The following RER1 variants were observed in gnomAD, a reference collection of about 807,000 sequenced individuals.
The protein encoded by RER1 is retention in endoplasmic reticulum sorting receptor 1.
RER1 carries 6 observed loss-of-function variants against 28.3 expected under a neutral mutation model. The ratio of observed to expected loss-of-function variants is 0.21; its 90% CI spans 0.12 to 0.42. The LOEUF is 0.42. Ranked by LOEUF, RER1 falls within the 10% of genes least tolerant of loss-of-function variation. The pLI, the probability that RER1 is intolerant of heterozygous loss-of-function variation, is 1.00. For missense variants in RER1, 159 were observed against 252.9 expected, an observed-to-expected ratio of 0.63 and a Z score of 2.52; for synonymous variants, 110 against 95.9, an observed-to-expected ratio of 1.15 and a Z score of -0.86.
intron 3 of RER1, 140 bp from the exon 4 acceptor site, chr1:2,399,275 C>T (rs1642811718): frequency 7.4e-6 from 5 of 676,984 alleles, no homozygotes; most frequent in Middle Eastern, 2.8e-4. Context: ...ATTTCCTTGT[C>T]CTTGCTATGA....
rs1053657055 is a variant in RER1, at chr1:2,403,412, G to A, written c.*288G>A. 1 of 381,354 alleles carries A rather than the reference G, an allele frequency of 2.6e-6. No individual in the cohort carries two copies. The highest frequency in any genetic ancestry group is 5.0e-6 in the Non-Finnish European group (1 of 200,644). The allele number at this position is 381,354 out of a possible 1,614,324, so 23.6% of individuals were successfully genotyped here. On this transcript the variant is annotated 3_prime_UTR_variant, in exon 7 of 7. Transcript: ENST00000605895. ...GTGGAGCCCATGGGAGCAAGGGCGA[G>A]TGGCCGGTCCCCGCTGTGCCAGGTG...
chr1:2,401,075 T>A, intron 5 of RER1, 140 bp downstream of exon 5: 1 of 710,990 alleles, frequency 1.4e-6, no homozygotes, highest in East Asian at 2.7e-5. Flanking sequence ...GGGCTCTCTG[T>A]AGAAGGCCAC....
chr1:2,394,695 G>C (rs1642741569), intron 1 of RER1: 1 of 152,250 alleles, frequency 6.6e-6, no homozygotes, highest in Non-Finnish European at 1.5e-5. Flanking sequence ...GTGCTCAGAG[G>C]GTTTGCTGAA....
chr1:2,395,535 G>C, intron 1 of RER1: 1 of 495,204 alleles, frequency 2.0e-6, no homozygotes, highest in Non-Finnish European at 3.7e-6. Context: ...AGGTGACTGA[G>C]GTGCCAGTGT....
chr1:2,401,388 CTCCTCCTCCCTCCTCCTCCCTCCT>C (rs1642858594), intron 5 of RER1, among the ~76,000 whole-genome samples: 2 of 60,740 alleles, frequency 3.3e-5, no homozygotes, highest in Admixed American at 1.5e-4. Flanking sequence ...CTCCTCCTCC[CTCCTCCTCCCTCCTCCTCCCTCCT>C]TCCTCCTTCC....
At chr1:2,392,879 G>T (rs1642706247) in intron 1 of RER1, among the ~76,000 whole-genome samples, 1 of 152,224 alleles carries the variant, frequency 6.6e-6, no homozygotes, top group Admixed American at 6.5e-5. Flanking sequence ...GCCTTGGGAA[G>T]GAGGAAGAGA....
intron 6 of RER1, among the ~76,000 whole-genome samples, chr1:2,402,764 CAG>C (rs1179341531): frequency 1.3e-5 from 2 of 152,198 alleles, no homozygotes; most frequent in South Asian, 2.1e-4. Flanking sequence ...GTGTTGGCTG[CAG>C]AGAGGGCCCT....
At position 2,404,288 on chromosome 1, in the gene RER1, CT is replaced by C. The variant is rs1642924662; in HGVS notation, c.*1166del. Reference sequence around the variant, plus strand: ...GCTCCTCTAAGAGGCCACGTTCAAGCTTGTGTGTCCCTGACCCAAGATAGCC... The same window carrying C: ...GCTCCTCTAAGAGGCCACGTTCAAGCTGTGTGTCCCTGACCCAAGATAGCC... On this transcript the variant is annotated 3_prime_UTR_variant, in exon 7 of 7. Transcript: ENST00000605895. 1 of 152,270 alleles carries C rather than the reference CT, an allele frequency of 6.6e-6. No individual in the cohort carries two copies. Among genetic ancestry groups the C allele is most frequent in the African/African-American group, 2.4e-5 (1 of 41,466 alleles). 9.4% of individuals were successfully genotyped at this position (152,270 alleles called of 1,614,324 possible). A position where few individuals can be genotyped will look rare whatever the true frequency, so the allele number is the denominator to read the frequency against.
rs796746411 is a variant in RER1, at chr1:2,403,364, G to C, written c.*240G>C. 3.8e-5 allele frequency: 17 copies of C among 443,744 alleles called. 1 individual carries two copies. The highest frequency in any genetic ancestry group is 3.6e-4 in the South Asian group (17 of 47,128). 27.5% of individuals were successfully genotyped at this position (443,744 alleles called of 1,614,324 possible). On this transcript the variant is annotated 3_prime_UTR_variant, in exon 7 of 7. Coordinates refer to ENST00000605895, the MANE Select transcript of RER1 (RefSeq NM_007033.5). ...TTTCTCACGGATGGAATTCTAGTCA[G>C]CTGCAGGCGGGAAGCCAGGCGGGTG...
rs1473557067 is a variant in RER1, at chr1:2,397,157, T to C, written c.123T>C (p.Ala41=). 6 of 1,614,012 alleles carry C rather than the reference T, an allele frequency of 3.7e-6. No homozygotes were observed. Among genetic ancestry groups the C allele is most frequent in the South Asian group, 1.1e-5 (1 of 91,088 alleles). The change falls in exon 3 of 7, where the codon GCT becomes GCC. Residue 41 remains alanine, a synonymous_variant. Transcript: ENST00000605895. ...SWLDKSTPYT[A]VRWVVTLGLS... ...TAGACAAGTCCACACCCTACACGGC[T>C]GTGCGATGGGTCGTGACACTGGGCC...
intron 6 of RER1, among the ~76,000 whole-genome samples, chr1:2,402,550 C>T (rs1012812436): frequency 3.9e-5 from 6 of 152,042 alleles, no homozygotes; most frequent in African/African-American, 1.2e-4. Flanking sequence ...GCTGTGGGAG[C>T]GGGCGGGCTC....
intron 1 of RER1, 65 bp from the exon 2 acceptor site, chr1:2,395,719 A>ATTT: frequency 8.7e-7 from 1 of 1,149,092 alleles, no homozygotes; most frequent in African/African-American, 1.5e-5. Context: ...GTTGGTGAAA[A>ATTT]TAGGGCCAGG....
At chr1:2,397,005 T>G in intron 2 of RER1, 111 bp from the exon 3 acceptor site, 1 of 640,962 alleles carries the variant, frequency 1.6e-6, no homozygotes, top group South Asian at 1.9e-5. Context: ...ACTCACTCTT[T>G]TAGCTGTTTT....
intron 2 of RER1, 142 bp downstream of exon 2, chr1:2,396,013 C>CTCTTT (rs1305878137): frequency 1.1e-5 from 8 of 697,066 alleles, no homozygotes; most frequent in Non-Finnish European, 1.8e-5. Flanking sequence ...AGACAGCGTT[C>CTCTTT]TCTTCACTGT....
Position 2,399,571 on chromosome 1 carries a change from T to A in RER1, c.286+57T>A, listed in dbSNP as rs542174509. On this transcript the variant is annotated intron_variant, in intron 4 of 6. Coordinates refer to ENST00000605895, the MANE Select transcript of RER1 (RefSeq NM_007033.5). ...GGCAGGTTGGGCCTTTCTTTTCTGATGGGATTGCCCAGTGTTCTCTGGAAA... is the reference window on the plus strand; with the variant it reads ...GGCAGGTTGGGCCTTTCTTTTCTGAAGGGATTGCCCAGTGTTCTCTGGAAA... The A allele has an allele frequency of 1.8e-5, 19 of 1,064,140 alleles. No homozygotes were observed. In the Admixed American group the frequency reaches 3.1e-4, roughly 17 times the overall value. 65.9% of individuals were successfully genotyped at this position (1,064,140 alleles called of 1,614,324 possible). A position where few individuals can be genotyped will look rare whatever the true frequency, so the allele number is the denominator to read the frequency against.
intron 3 of RER1, among the ~76,000 whole-genome samples, chr1:2,397,654 T>C (rs1642788308): frequency 6.6e-6 from 1 of 152,200 alleles, no homozygotes; most frequent in African/African-American, 2.4e-5. Context: ...CTCTCCCTTG[T>C]GTGAGGCCAA....
rs879001345 is a variant in RER1 at position 2,405,347 on chromosome 1, C to T, written c.*2223C>T. On this transcript the variant is annotated 3_prime_UTR_variant, in exon 7 of 7. Transcript: ENST00000605895. ...GCCAGCCTCCGTGCCCCACCCCACCCAGCACGCACTCATTCAGTCCATTGC... is the reference window on the plus strand; with the variant it reads ...GCCAGCCTCCGTGCCCCACCCCACCTAGCACGCACTCATTCAGTCCATTGC... The T allele has an allele frequency of 4.9e-5, 17 of 345,982 alleles. 1 individual carries two copies. The highest frequency in any genetic ancestry group is 3.6e-4 in the South Asian group (16 of 43,844). 21.4% of individuals were successfully genotyped at this position (345,982 alleles called of 1,614,324 possible).
chr1:2,400,095 C>G (rs1642824158), intron 4 of RER1, among the ~76,000 whole-genome samples: 1 of 152,340 alleles, frequency 6.6e-6, no homozygotes, highest in East Asian at 1.9e-4. Flanking sequence ...GGTAGGGGCC[C>G]TGAGTTCATG....
intron 2 of RER1, among the ~76,000 whole-genome samples, chr1:2,396,765 T>A (rs1030860819): frequency 2.0e-5 from 3 of 152,190 alleles, no homozygotes; most frequent in Non-Finnish European, 4.4e-5. Flanking sequence ...CGATAAGGGC[T>A]GTGCTGTAGG....
Sources: gnomAD v4.1 joint callset for allele counts (sites outside exome capture counted in the v4.1 genomes callset) on GRCh38, gnomAD v4.1.1 for gene constraint, MANE v1.5 for transcripts, NCBI Gene and HGNC (gene_info 2026-07-23, HGNC 2026-07-21) for gene names.